The following TENT5D variants were observed in gnomAD, a reference collection of about 807,000 sequenced individuals.
The protein encoded by TENT5D is cancer/testis antigen 112.
For missense variants in TENT5D, 191 were observed against 287.0 expected (o/e 0.67, Z 2.42); for synonymous variants, 103 against 100.6 (o/e 1.02, Z -0.15).
chrX:80,366,364 G>A (rs938516955), intron 3 of TENT5D, among the ~76,000 whole-genome samples: 17 of 111,010 alleles, frequency 1.5e-4, no homozygotes, highest in Non-Finnish European at 3.2e-4. Flanking sequence ...TGGGTTTAAT[G>A]TAGATCTTAA....
intron 3 of TENT5D, among the ~76,000 whole-genome samples, chrX:80,403,676 A>G (rs1292947304): frequency 8.9e-6 from 1 of 112,168 alleles, no homozygotes; most frequent in African/African-American, 3.2e-5. Flanking sequence ...TATCCACCAG[A>G]TGGCCAGTAG....
exon 3 of TENT5D, chrX:80,443,790 C>G (rs1011161655): frequency 1.1e-6 from 1 of 890,250 alleles, no homozygotes; most frequent in African/African-American, 2.0e-5. Flanking sequence ...AATTCAAGAT[C>G]TGTTTTTATT....
chrX:80,367,455 T>C (rs1930533086), intron 3 of TENT5D, among the ~76,000 whole-genome samples: 1 of 111,132 alleles, frequency 9.0e-6, no homozygotes, highest in East Asian at 2.8e-4. Context: ...AAACTAAAAA[T>C]AGAGCTACCA....
chrX:80,424,293 G>A (rs1320606684), intron 1 of TENT5D, among the ~76,000 whole-genome samples: 1 of 111,811 alleles, frequency 8.9e-6, no homozygotes, highest in Non-Finnish European at 1.9e-5. Flanking sequence ...AAACAAGGAT[G>A]GAGGTAAAGA....
At chrX:80,429,622 G>T (rs1025275163) in intron 1 of TENT5D, among the ~76,000 whole-genome samples, 1 of 110,867 alleles carries the variant, frequency 9.0e-6, no homozygotes, top group African/African-American at 3.3e-5. Context: ...GATTTTATAG[G>T]CCTGTGAAGT....
intron 3 of TENT5D, among the ~76,000 whole-genome samples, chrX:80,402,335 C>A (rs1931403627): frequency 9.0e-6 from 1 of 111,142 alleles, no homozygotes; most frequent in Non-Finnish European, 1.9e-5. Flanking sequence ...TTTTGTTTGT[C>A]TTTTCAATAA....
intron 3 of TENT5D, among the ~76,000 whole-genome samples, chrX:80,398,095 C>T (rs1033059932): frequency 8.0e-5 from 9 of 112,160 alleles, no homozygotes; most frequent in Non-Finnish European, 1.5e-4. Flanking sequence ...TTTGTCTTTT[C>T]GATAATAGTC....
At chrX:80,353,615 C>A (rs765188203) in intron 3 of TENT5D, among the ~76,000 whole-genome samples, 22 of 112,229 alleles carry the variant, frequency 2.0e-4, no homozygotes, top group Non-Finnish European at 3.4e-4. Flanking sequence ...TGATCTCATT[C>A]TTTTTATGGC....
At chrX:80,369,160 A>C (rs761443694) in intron 3 of TENT5D, among the ~76,000 whole-genome samples, 4 of 111,705 alleles carry the variant, frequency 3.6e-5, no homozygotes, top group Admixed American at 9.6e-5. Flanking sequence ...TAGATTATTC[A>C]ATTAGTGTCT....
chrX:80,444,591 T>C (rs1381363518), exon 3 of TENT5D: 1 of 122,618 alleles, frequency 8.2e-6, no homozygotes, highest in Non-Finnish European at 1.9e-5. Flanking sequence ...AGCCATAGCA[T>C]TTACCATTTT....
chrX:80,415,549 T>C (rs1931753383), upstream of TENT5D, among the ~76,000 whole-genome samples: 1 of 112,101 alleles, frequency 8.9e-6, no homozygotes, highest in African/African-American at 3.2e-5. Context: ...CTGCATCTAT[T>C]GAGATTTTCA....
intron 3 of TENT5D, among the ~76,000 whole-genome samples, chrX:80,413,914 C>G (rs1931720671): frequency 8.9e-6 from 1 of 112,253 alleles, no homozygotes; most frequent in African/African-American, 3.2e-5. Context: ...TTAAGCAAAG[C>G]AAAGAATTGC....
intron 3 of TENT5D, among the ~76,000 whole-genome samples, chrX:80,352,521 C>G (rs1238244598): frequency 9.1e-6 from 1 of 109,877 alleles, no homozygotes; most frequent in Non-Finnish European, 1.9e-5. Context: ...CACCAAGCTC[C>G]GTTGTTCCAG....
chrX:80,424,042 G>A (rs531346476), intron 1 of TENT5D, among the ~76,000 whole-genome samples: 2 of 110,489 alleles, frequency 1.8e-5, no homozygotes, highest in East Asian at 5.7e-4. Context: ...CTCCCCCTCA[G>A]GAGTGGAGAC....
At chrX:80,352,236 T>C (rs1197540170) in intron 3 of TENT5D, among the ~76,000 whole-genome samples, 2 of 111,768 alleles carry the variant, frequency 1.8e-5, no homozygotes, top group African/African-American at 6.5e-5. Flanking sequence ...CAGGCAGGAA[T>C]GTTTAAGTCT....
intron 3 of TENT5D, among the ~76,000 whole-genome samples, chrX:80,412,190 T>G (rs945463487): frequency 8.9e-6 from 1 of 112,740 alleles, no homozygotes. Context: ...GTTGGCCCCT[T>G]TCAGCCATGG....
At chrX:80,337,417 C>A (rs1430446763) in intron 2 of TENT5D, among the ~76,000 whole-genome samples, 1 of 111,488 alleles carries the variant, frequency 9.0e-6, no homozygotes, top group Non-Finnish European at 1.9e-5. Flanking sequence ...TATAATTTTT[C>A]TGTTTTATAG....
At chrX:80,412,304 G>T (rs1931686339) in intron 3 of TENT5D, among the ~76,000 whole-genome samples, 1 of 112,406 alleles carries the variant, frequency 8.9e-6, no homozygotes, top group African/African-American at 3.2e-5. Flanking sequence ...GGGCCCCCGG[G>T]CCTGTGATAG....
chrX:80,369,527 A>C (rs73630382), intron 3 of TENT5D, among the ~76,000 whole-genome samples: 1 of 112,129 alleles, frequency 8.9e-6, no homozygotes, highest in Non-Finnish European at 1.9e-5. Context: ...TTATATGTCA[A>C]TTGGTAAGTT....
Sources: allele counts gnomAD v4.1 joint callset (sites outside exome capture counted in the v4.1 genomes callset), GRCh38; gene constraint gnomAD v4.1.1; transcripts MANE v1.5; gene names NCBI Gene and HGNC (gene_info 2026-07-23, HGNC 2026-07-21).